The following ZP4 variants were observed in gnomAD, a reference collection of about 807,000 sequenced individuals.
The protein encoded by ZP4 is zona pellucida sperm-binding protein 4.
A neutral mutation model predicts 62.3 loss-of-function variants in ZP4; 62 were observed. That is an observed-to-expected ratio of 0.99 (90% CI 0.81 to 1.23). The LOEUF (loss-of-function observed/expected upper bound fraction) is 1.23, where lower values mean the gene tolerates loss of function less well. ZP4 is among the 50% of genes most tolerant of loss of function. The pLI is 0.00. For missense variants in ZP4, 774 were observed against 656.0 expected (o/e 1.18, Z -1.97); for synonymous variants, 289 against 247.3 (o/e 1.17, Z -1.58).
Position 237,884,857 on chromosome 1 carries a change from A to T in ZP4, c.1312-10T>A. The T allele has an allele frequency of 6.2e-7, 1 of 1,612,084 alleles. No individual in the cohort carries two copies. The highest frequency in any genetic ancestry group is 8.5e-7 in the Non-Finnish European group (1 of 1,178,974). On this transcript the variant is annotated splice_polypyrimidine_tract_variant and intron_variant, in intron 9 of 11. Coordinates refer to ENST00000366570, the MANE Select transcript of ZP4 (RefSeq NM_021186.5). Reference sequence around the variant, plus strand: ...TGCAGTGCAGATGCACCTGGGAGCCAACAGAATTCAGGTCATTTGTAGTAT... The same window carrying T: ...TGCAGTGCAGATGCACCTGGGAGCCTACAGAATTCAGGTCATTTGTAGTAT...
intron 4 of ZP4, among the ~76,000 whole-genome samples, chr1:237,888,070 A>G (rs919187356): frequency 2.6e-5 from 4 of 152,236 alleles, no homozygotes; most frequent in African/African-American, 9.6e-5. Context: ...CAAGACCATC[A>G]GCCAAAGTCG....
intron 3 of ZP4, 44 bp downstream of exon 3, chr1:237,889,823 A>AC (rs770232484): frequency 7.5e-6 from 8 of 1,064,580 alleles, no homozygotes; most frequent in South Asian, 2.5e-5. Flanking sequence ...TTCACACCCC[A>AC]CCCCCACCAC....
chr1:237,889,813 T>G, intron 3 of ZP4, 54 bp downstream of exon 3: 1 of 1,527,772 alleles, frequency 6.5e-7, no homozygotes, highest in Non-Finnish European at 9.1e-7. Flanking sequence ...CAAGAGTACT[T>G]TCACACCCCA....
chr1:237,882,611 C>G (rs549553469), intron 11 of ZP4, 62 bp from the exon 12 acceptor site: 15 of 1,569,830 alleles, frequency 9.6e-6, no homozygotes, highest in Non-Finnish European at 1.3e-5. Flanking sequence ...TGTGTCCTGA[C>G]AAAGACTAGC....
rs1665060717 is a variant in ZP4, at chr1:237,884,965, T to A, written c.1312-118A>T. ...TATCAGAAAATTGATATGGTCCAAGTTGATATCACAATGGCACTAAGGAAC... is the reference window on the plus strand; with the variant it reads ...TATCAGAAAATTGATATGGTCCAAGATGATATCACAATGGCACTAAGGAAC... On this transcript the variant is annotated intron_variant, in intron 9 of 11. Coordinates refer to ENST00000366570, the MANE Select transcript of ZP4 (RefSeq NM_021186.5). 6.4e-6 allele frequency: 8 copies of A among 1,252,070 alleles called. No homozygotes were observed. The Admixed American group carries it at 1.0e-4, about 16-fold the overall frequency. 77.6% of individuals were successfully genotyped at this position (1,252,070 alleles called of 1,614,324 possible). A position where few individuals can be genotyped will look rare whatever the true frequency, so the allele number is the denominator to read the frequency against.
chr1:237,884,692 T>C (rs1665052235), intron 10 of ZP4, 77 bp downstream of exon 10: 1 of 1,364,128 alleles, frequency 7.3e-7, no homozygotes, highest in South Asian at 1.3e-5. Context: ...TTGAGTTGTT[T>C]GGCCAGAGAC....
intron 1 of ZP4, 86 bp from the exon 2 acceptor site, chr1:237,890,262 G>A (rs1037782666): frequency 1.9e-6 from 3 of 1,593,348 alleles, no homozygotes; most frequent in African/African-American, 1.3e-5. Context: ...TAGACCCCAA[G>A]GAGCAACTGT....
chr1:237,884,043 A>AACACACACACACACACACAC (rs1285299171), intron 10 of ZP4, among the ~76,000 whole-genome samples: 1 of 104,822 alleles, frequency 9.5e-6, no homozygotes, highest in African/African-American at 5.5e-5. Flanking sequence ...AACACACACA[A>AACACACACACACACACACAC]ACACACACAA....
rs1015892515 is a variant in ZP4, at chr1:237,885,035, G to A, written c.1311+130C>T. 108 of 1,337,154 alleles carry A rather than the reference G, an allele frequency of 8.1e-5. 1 individual carries two copies. In the East Asian group the frequency reaches 2.4e-3, roughly 30 times the overall value. 82.8% of individuals were successfully genotyped at this position (1,337,154 alleles called of 1,614,324 possible). ...GTCACTCATGTAATTAGTAACAAGGGTTGCTCTGAGTCAGTACCAATAGCC... is the reference window on the plus strand; with the variant it reads ...GTCACTCATGTAATTAGTAACAAGGATTGCTCTGAGTCAGTACCAATAGCC... On this transcript the variant is annotated intron_variant, in intron 9 of 11. Transcript: ENST00000366570.
intron 6 of ZP4, 84 bp from the exon 7 acceptor site, chr1:237,885,970 A>G: frequency 4.5e-6 from 7 of 1,567,204 alleles, no homozygotes; most frequent in Non-Finnish European, 6.1e-6. Context: ...CAAGGAAAGC[A>G]TTAAGTGCTA....
Position 237,890,670 on chromosome 1 carries a change from T to A in ZP4, c.-35A>T. Reference sequence around the variant, plus strand: ...AGGAGTTCCTGCCGGCTGCAGACTCTCCGCCTCCTCTCCCAAGAGCCGAGG... The same window carrying A: ...AGGAGTTCCTGCCGGCTGCAGACTCACCGCCTCCTCTCCCAAGAGCCGAGG... On this transcript the variant is annotated 5_prime_UTR_variant, in exon 1 of 12. Transcript: ENST00000366570. The A allele has an allele frequency of 6.3e-7, 1 of 1,594,304 alleles. No homozygotes were observed. The highest frequency in any genetic ancestry group is 8.5e-7 in the Non-Finnish European group (1 of 1,169,888).
At chr1:237,883,459 A>T (rs1255283768) in intron 10 of ZP4, among the ~76,000 whole-genome samples, 1 of 151,354 alleles carries the variant, frequency 6.6e-6, no homozygotes, top group Non-Finnish European at 1.5e-5. Context: ...TCATGCCTGT[A>T]ATCCCAACAC....
In ZP4 at chr1:237,890,040, T is replaced by A. The variant is rs747034618; in HGVS notation, c.297+15A>T. On this transcript the variant is annotated intron_variant, in intron 2 of 11. Coordinates refer to ENST00000366570, the MANE Select transcript of ZP4 (RefSeq NM_021186.5). ...GCGCTTCACACAGTCTCCCTGGCCA[T>A]TGGGTCATACTCACCCACTCAGTGA... is the stretch of plus-strand genomic sequence containing the variant. The A allele has an allele frequency of 6.2e-7, 1 of 1,614,098 alleles. No individual in the cohort carries two copies. Among genetic ancestry groups the A allele is most frequent in the Non-Finnish European group, 8.5e-7 (1 of 1,180,012 alleles).
intron 10 of ZP4, among the ~76,000 whole-genome samples, chr1:237,883,631 G>GGAGA (rs1284601520): frequency 6.7e-4 from 2 of 2,970 alleles, no homozygotes; most frequent in African/African-American, 1.5e-3. Context: ...GGAGAGAGGG[G>GGAGA]GAGGGGGAGG....
rs200590816 is a variant in ZP4, at chr1:237,885,231, C to T, written c.1245G>A (p.Gln415=). The change falls in exon 9 of 12, where the codon CAG becomes CAA. Residue 415 remains glutamine, a synonymous_variant. Transcript: ENST00000366570. The part of the protein sequence containing the change: ...ALDLPFPSHH[Q]RFSIFTFSFV... ...AGCTGAAGGTGAAGATGCTGAAGCG[C>T]TGGTGGTGAGAGGGAAATGGAAGAT... 7.4e-5 allele frequency: 119 copies of T among 1,614,024 alleles called. No individual in the cohort carries two copies. The highest frequency in any genetic ancestry group is 1.5e-5 in the Non-Finnish European group (18 of 1,180,038).
chr1:237,890,414 G>C, intron 1 of ZP4, 47 bp downstream of exon 1: 1 of 1,577,078 alleles, frequency 6.3e-7, no homozygotes, highest in Non-Finnish European at 8.6e-7. Flanking sequence ...AGGTAGTAGA[G>C]GAGACATATC....
At chr1:237,887,654 A>G in intron 4 of ZP4, 93 bp from the exon 5 acceptor site, 2 of 1,341,584 alleles carry the variant, frequency 1.5e-6, no homozygotes, top group Non-Finnish European at 2.0e-6. Flanking sequence ...TTTTAATCCC[A>G]CTGAGAAGCT....
chr1:237,883,998 ACACACACAC>A (rs1665019482), intron 10 of ZP4, among the ~76,000 whole-genome samples: 3 of 82,318 alleles, frequency 3.6e-5, no homozygotes, highest in Non-Finnish European at 7.4e-5. Flanking sequence ...ACACACACAC[ACACACACAC>A]ACACACACAA....
chr1:237,885,312 G>A lies in ZP4; in HGVS notation c.1164C>T (p.Cys388=), dbSNP rs1558532218. ...TCTGATAGTTGTCTCCAATGTAGGGGCAGCTAGACCAAGAGACCCAGCAGT... is the reference window on the plus strand; with the variant it reads ...TCTGATAGTTGTCTCCAATGTAGGGACAGCTAGACCAAGAGACCCAGCAGT... The part of the protein sequence containing the change: ...QPQWPILVKG[C]PYIGDNYQTQ... The change falls in exon 9 of 12, where the codon TGC becomes TGT. Residue 388 remains cysteine (C), a synonymous_variant. Transcript: ENST00000366570. 5.0e-6 allele frequency: 8 copies of A among 1,613,766 alleles called. No individual in the cohort carries two copies. The highest frequency in any genetic ancestry group is 4.5e-5 in the East Asian group (2 of 44,886).
Sources: gnomAD v4.1 joint callset for allele counts (sites outside exome capture counted in the v4.1 genomes callset) on GRCh38, gnomAD v4.1.1 for gene constraint, MANE v1.5 for transcripts, NCBI Gene and HGNC (gene_info 2026-07-23, HGNC 2026-07-21) for gene names.